GRID2IP: variants seen among roughly 807,000 people sequenced by gnomAD.
GRID2IP encodes the protein delphilin.
GRID2IP carries 78 observed loss-of-function variants against 114.3 expected under a neutral mutation model. That is an observed-to-expected ratio of 0.68 (90% CI 0.57 to 0.82). GRID2IP has a LOEUF of 0.82. GRID2IP is among the 40% of genes least tolerant of loss of function. The pLI is 0.00. For missense variants in GRID2IP, 1,727 were observed against 1,678.5 expected (o/e 1.03, Z -0.51); for synonymous variants, 809 against 724.0 (o/e 1.12, Z -1.89).
chr7:6,551,010 T>C lies in GRID2IP; in HGVS notation c.427A>G (p.Lys143Glu). The change falls in exon 1 of 22, where the codon AAG (lysine) becomes GAG (glutamate). Residue 143 changes from lysine (K) to glutamate (E), a missense_variant and splice_region_variant. By Grantham distance (56) the Lys-to-Glu change is moderately conservative. Coordinates refer to ENST00000457091, the MANE Select transcript of GRID2IP (RefSeq NM_001145118.2). The part of the protein sequence containing the change: ...RRRKAQEFSR[K>E]VDEILGDQPT... The stretch of plus-strand genomic sequence containing the variant: ...CACCTCCCACCCCCGCGCCTTACCT[T>C]GCGGCTGAACTCTTGGGCCTTGCGC... 8.6e-7 allele frequency: 1 copy of C among 1,158,498 alleles called. No individual in the cohort carries two copies. Among genetic ancestry groups the C allele is most frequent in the Non-Finnish European group, 1.1e-6 (1 of 934,554 alleles). The allele number at this position is 1,158,498 out of a possible 1,614,324, so 71.8% of individuals were successfully genotyped here.
chr7:6,513,369 A>G (rs1583339868), intron 8 of GRID2IP, among the ~76,000 whole-genome samples: 1 of 143,452 alleles, frequency 7.0e-6, no homozygotes, highest in Non-Finnish European at 1.5e-5. Flanking sequence ...TGTGCATCAC[A>G]CCTGGCTAAA....
chr7:6,536,752 A>C lies in GRID2IP; in HGVS notation c.584+2966T>G. Reference sequence around the variant, plus strand: ...AGAGCCAGCGCATCATCTCCGCGGCAAATTCGGCTCTAGAAATAACTTTTT... The same window carrying C: ...AGAGCCAGCGCATCATCTCCGCGGCCAATTCGGCTCTAGAAATAACTTTTT... On this transcript the variant is annotated intron_variant, in intron 2 of 21. Transcript: ENST00000457091. This position sits in a 1 kb window ranked among gnomAD's most constrained non-coding sequence, Gnocchi z 5.3. The C allele has an allele frequency of 1.4e-6, 1 of 700,116 alleles. No homozygotes were observed. Among genetic ancestry groups the C allele is most frequent in the Non-Finnish European group, 2.6e-6 (1 of 383,112 alleles). The allele number at this position is 700,116 out of a possible 1,614,324, so 43.4% of individuals were successfully genotyped here.
In GRID2IP at chr7:6,508,210, G is replaced by A. The variant is rs2115361820; in HGVS notation, c.2319C>T (p.Ser773=). The A allele has an allele frequency of 2.6e-6, 4 of 1,520,330 alleles. No homozygotes were observed. The highest frequency in any genetic ancestry group is 3.5e-6 in the Non-Finnish European group (4 of 1,133,654). 94.2% of individuals were successfully genotyped at this position (1,520,330 alleles called of 1,614,324 possible). A position where few individuals can be genotyped will look rare whatever the true frequency, so the allele number is the denominator to read the frequency against. Residue 773 remains serine, a synonymous_variant, in exon 13 of 22, where the codon AGC becomes AGT. Coordinates refer to ENST00000457091, the MANE Select transcript of GRID2IP (RefSeq NM_001145118.2). The surrounding 1 kb of genome is among the most constrained non-coding windows in gnomAD (Gnocchi z 5.6). ...GAGCAGGGCCCCGGGAACCATCAGA[G>A]CTGCGGGAGCTGGGCTTAGCGTCAT... ...PFHDAKPSSR[S]SDGSRGPAQA...
chr7:6,550,976 T>TGCCCCC, intron 1 of GRID2IP, 32 bp downstream of exon 1: 17 of 1,015,770 alleles, frequency 1.7e-5, no homozygotes, highest in South Asian at 4.5e-5. Flanking sequence ...GCCCCCTCCT[T>TGCCCCC]CCCGCCCCCA....
In GRID2IP at chr7:6,532,309, C is replaced by T. The variant is rs1481699340; in HGVS notation, c.585-5540G>A. Among the ~76,000 whole-genome samples, 1 of 152,154 alleles carries T rather than the reference C, an allele frequency of 6.6e-6. No homozygotes were observed. The highest frequency in any genetic ancestry group is 1.5e-5 in the Non-Finnish European group (1 of 68,014). Reference sequence around the variant, plus strand: ...CCAGAACATCAGCATGAAGCCCTCTCCAAAGACAGGCGGGAACAGGAGAGG... The same window carrying T: ...CCAGAACATCAGCATGAAGCCCTCTTCAAAGACAGGCGGGAACAGGAGAGG... On this transcript the variant is annotated intron_variant, in intron 2 of 21. Transcript: ENST00000457091. This position sits in a 1 kb window ranked among gnomAD's most constrained non-coding sequence, Gnocchi z 4.4.
At chr7:6,503,202 C>T (rs1320033547) in intron 16 of GRID2IP, 39 bp from the exon 17 acceptor site, 2 of 1,465,750 alleles carry the variant, frequency 1.4e-6, no homozygotes, top group Admixed American at 2.5e-5. Flanking sequence ...CCATCCCCTT[C>T]CTGGGACCCT....
At chr7:6,514,582 G>A in intron 7 of GRID2IP, 53 bp from the exon 8 acceptor site, 1 of 1,421,890 alleles carries the variant, frequency 7.0e-7, no homozygotes. Flanking sequence ...TTACCATGAT[G>A]CACAGAGTGG....
intron 14 of GRID2IP, 96 bp from the exon 15 acceptor site, chr7:6,504,966 CCCT>C (rs1179032185): frequency 8.5e-6 from 8 of 946,036 alleles, no homozygotes; most frequent in Non-Finnish European, 1.3e-5. Context: ...GCCACTATCC[CCCT>C]AAGCACGACC....
Position 6,502,035 on chromosome 7 carries a change from G to A in GRID2IP, c.3234C>T (p.Leu1078=). The A allele has an allele frequency of 6.4e-7, 1 of 1,551,534 alleles. No homozygotes were observed. The highest frequency in any genetic ancestry group is 1.4e-5 in the African/African-American group (1 of 73,124). The part of the protein sequence containing the change: ...AKSLSQHFPE[L]LGFAQDLPTV... The stretch of plus-strand genomic sequence containing the variant: ...TGGGCAGGTCCTGAGCAAAGCCCAG[G>A]AGTTCAGGGAAGTGCTGGCTCAGCG... The change falls in exon 19 of 22, where the codon CTC becomes CTT. Residue 1078 remains leucine (L), a synonymous_variant. Transcript: ENST00000457091.
rs1478223063 is a variant in GRID2IP at position 6,536,748 on chromosome 7, C to A, written c.584+2970G>T. The A allele has an allele frequency of 1.4e-6, 1 of 699,182 alleles. No individual in the cohort carries two copies. Among genetic ancestry groups the A allele is most frequent in the Admixed American group, 2.0e-5 (1 of 49,852 alleles). 43.3% of individuals were successfully genotyped at this position (699,182 alleles called of 1,614,324 possible). On this transcript the variant is annotated intron_variant, in intron 2 of 21. Transcript: ENST00000457091. This position sits in a 1 kb window ranked among gnomAD's most constrained non-coding sequence, Gnocchi z 5.3. Reference sequence around the variant, plus strand: ...GCTCAGAGCCAGCGCATCATCTCCGCGGCAAATTCGGCTCTAGAAATAACT... The same window carrying A: ...GCTCAGAGCCAGCGCATCATCTCCGAGGCAAATTCGGCTCTAGAAATAACT...
chr7:6,506,679 G>GTTTTTTTTTTTT lies in GRID2IP; in HGVS notation c.2545-773_2545-772insAAAAAAAAAAAA, dbSNP rs750118370. ...TTATTTGTGCCCTTGTCTCACTGAG[G>GTTTTTTTTTTTT]TATTTTTTTTTTTTTTTTTTTAGAT... is the stretch of plus-strand genomic sequence containing the variant. On this transcript the variant is annotated intron_variant, in intron 13 of 21. Coordinates refer to ENST00000457091, the MANE Select transcript of GRID2IP (RefSeq NM_001145118.2). The surrounding 1 kb of genome is among the most constrained non-coding windows in gnomAD (Gnocchi z 5.2). 2.4e-5 allele frequency among the ~76,000 whole-genome samples: 3 copies of GTTTTTTTTTTTT among 127,294 alleles called. 1 individual carries two copies. Among genetic ancestry groups the GTTTTTTTTTTTT allele is most frequent in the Non-Finnish European group, 3.4e-5 (2 of 59,154 alleles). 83.5% of individuals were successfully genotyped at this position (127,294 alleles called of 152,430 possible). A position where few individuals can be genotyped will look rare whatever the true frequency, so the allele number is the denominator to read the frequency against.
chr7:6,547,760 G>A (rs927704335), intron 1 of GRID2IP, among the ~76,000 whole-genome samples: 2 of 152,124 alleles, frequency 1.3e-5, no homozygotes, highest in Non-Finnish European at 2.9e-5. Flanking sequence ...TCAGGCTAGG[G>A]TACATGATGG....
intron 2 of GRID2IP, among the ~76,000 whole-genome samples, chr7:6,535,868 C>A (rs1779715017): frequency 2.0e-5 from 3 of 152,072 alleles, no homozygotes; most frequent in Admixed American, 6.6e-5. Context: ...AGCACCTGGC[C>A]CATCCGAACT....
intron 7 of GRID2IP, among the ~76,000 whole-genome samples, chr7:6,518,116 A>G (rs1223204523): frequency 2.0e-5 from 3 of 151,472 alleles, no homozygotes. Context: ...TGTAGTCCCA[A>G]CTACCTGGGG....
At chr7:6,549,925 C>G (rs1157678861) in intron 1 of GRID2IP, among the ~76,000 whole-genome samples, 1 of 151,900 alleles carries the variant, frequency 6.6e-6, no homozygotes, top group African/African-American at 2.4e-5. Context: ...GCCACCTCAC[C>G]CCACTGGCTC....
Position 6,521,473 on chromosome 7 carries a change from A to G in GRID2IP, c.1040T>C (p.Met347Thr), listed in dbSNP as rs1433141600. The part of the protein sequence containing the change: ...VVSMLQGSGA[M>T]PTLVVEEGLV... Reference sequence around the variant, plus strand: ...CCCTTCCTCCACCACCAGCGTGGGCATGGCACCACTGCCCTGCAGCATGGA... The same window carrying G: ...CCCTTCCTCCACCACCAGCGTGGGCGTGGCACCACTGCCCTGCAGCATGGA... Residue 347 changes from methionine (M) to threonine (T), a missense_variant, in exon 6 of 22, where the codon ATG (methionine) becomes ACG (threonine). Transcript: ENST00000457091. The surrounding 1 kb of genome is among the most constrained non-coding windows in gnomAD (Gnocchi z 4.1). 1 of 1,550,048 alleles carries G rather than the reference A, an allele frequency of 6.5e-7. No homozygotes were observed. Among genetic ancestry groups the G allele is most frequent in the Non-Finnish European group, 8.7e-7 (1 of 1,146,240 alleles).
At position 6,499,407 on chromosome 7, in the gene GRID2IP, C is replaced by T. The variant is rs74198964; in HGVS notation, c.3400-1179G>A. Among the ~76,000 whole-genome samples, 453 of 152,300 alleles carry T rather than the reference C, an allele frequency of 3.0e-3. 9 individuals are homozygous for T. The East Asian group carries it at 0.035, about 12-fold the overall frequency. ...CCTGTCTGATGTGCCAGGTCAATTT[C>T]CTTTGCAGAGGCTGCCTTTAATTAA... On this transcript the variant is annotated intron_variant, in intron 20 of 21. Coordinates refer to ENST00000457091, the MANE Select transcript of GRID2IP (RefSeq NM_001145118.2).
intron 2 of GRID2IP, among the ~76,000 whole-genome samples, chr7:6,529,173 G>A (rs11767538): frequency 1.3e-5 from 2 of 151,530 alleles, no homozygotes; most frequent in African/African-American, 2.4e-5. Context: ...CCTGTCGTCC[G>A]GGCGCGGTGG....
chr7:6,546,893 C>T (rs924487232), intron 1 of GRID2IP, among the ~76,000 whole-genome samples: 5 of 152,100 alleles, frequency 3.3e-5, no homozygotes, highest in African/African-American at 9.7e-5. Flanking sequence ...AGACCTTTGG[C>T]TCCATGGCAG....
Sources: gnomAD v4.1 joint callset for allele counts (sites outside exome capture counted in the v4.1 genomes callset) on GRCh38, gnomAD v4.1.1 for gene constraint, Gnocchi (gnomAD v3.1) non-coding constraint, MANE v1.5 for transcripts, NCBI Gene and HGNC (gene_info 2026-07-23, HGNC 2026-07-21) for gene names.